Variants in KIAA1549 observed in about 807,000 individuals in gnomAD.
The protein encoded by KIAA1549 is UPF0606 protein KIAA1549.
A neutral mutation model predicts 156.4 loss-of-function variants in KIAA1549; 70 were observed. That is an observed-to-expected ratio of 0.45 (90% CI 0.37 to 0.55). The LOEUF (loss-of-function observed/expected upper bound fraction) is 0.55, where lower values mean the gene tolerates loss of function less well. Among genes scored for constraint, KIAA1549 ranks in the 20% least tolerant of loss-of-function variants. The pLI is 0.00. For synonymous variants in KIAA1549, 1,103 were observed against 1,066.4 expected, an observed-to-expected ratio of 1.03 and a Z score of -0.67; for missense variants, 2,428 against 2,540.9, an observed-to-expected ratio of 0.96 and a Z score of 0.96.
In KIAA1549 at chr7:138,910,951, G is replaced by A. The variant is rs532204679; in HGVS notation, c.3145+195C>T. Among the ~76,000 whole-genome samples, 8 of 151,852 alleles carry A rather than the reference G, an allele frequency of 5.3e-5. No individual in the cohort carries two copies. The South Asian group carries it at 1.5e-3, about 28-fold the overall frequency. On this transcript the variant is annotated intron_variant, in intron 4 of 19. Coordinates refer to ENST00000422774, the MANE Select transcript of KIAA1549 (RefSeq NM_001164665.2). ...GGAGGCTGAGGCAGGAGGATTGTTCGAGCTCAGGGGTTCAAGGCTACAGTG... is the reference window on the plus strand; with the variant it reads ...GGAGGCTGAGGCAGGAGGATTGTTCAAGCTCAGGGGTTCAAGGCTACAGTG...
intron 10 of KIAA1549, among the ~76,000 whole-genome samples, chr7:138,881,970 T>C (rs1271244791): frequency 1.3e-5 from 2 of 152,144 alleles, no homozygotes; most frequent in Non-Finnish European, 2.9e-5. Flanking sequence ...TTCTAGATCA[T>C]ATCAGGAAGC....
Position 138,833,577 on chromosome 7 carries a change from CCAAAT to C in KIAA1549, c.*4324_*4328del, listed in dbSNP as rs1479648742. 4.3e-6 allele frequency: 1 copy of C among 232,236 alleles called. No homozygotes were observed. Among genetic ancestry groups the C allele is most frequent in the Non-Finnish European group, 8.5e-6 (1 of 117,510 alleles). The allele number at this position is 232,236 out of a possible 1,614,324, so 14.4% of individuals were successfully genotyped here. A position where few individuals can be genotyped will look rare whatever the true frequency, so the allele number is the denominator to read the frequency against. Reference sequence around the variant, plus strand: ...CCACTGCTTAAAAGTCATCTGCCACCCAAATCAAAACACTATGAAATTAATAAAAT... The same window carrying C: ...CCACTGCTTAAAAGTCATCTGCCACCCAAAACACTATGAAATTAATAAAAT... On this transcript the variant is annotated 3_prime_UTR_variant, in exon 20 of 20. Coordinates refer to ENST00000422774, the MANE Select transcript of KIAA1549 (RefSeq NM_001164665.2).
intron 9 of KIAA1549, 63 bp from the exon 10 acceptor site, chr7:138,894,589 T>A: frequency 6.6e-7 from 1 of 1,515,088 alleles, no homozygotes; most frequent in Non-Finnish European, 9.1e-7. Context: ...AGATTGCACG[T>A]GTCTTCTATG....
chr7:138,870,572 G>T (rs982701193), intron 13 of KIAA1549, among the ~76,000 whole-genome samples: 4 of 152,300 alleles, frequency 2.6e-5, no homozygotes, highest in African/African-American at 9.6e-5. Context: ...CTGCGTTGAA[G>T]CGTGAGGAGG....
chr7:138,861,826 G>A (rs150979303), intron 15 of KIAA1549, among the ~76,000 whole-genome samples: 276 of 152,106 alleles, frequency 1.8e-3, no homozygotes, highest in Non-Finnish European at 2.9e-3. Flanking sequence ...AGCTATAATC[G>A]CATCATTGTA....
At chr7:138,841,802 C>G (rs61605269) in intron 18 of KIAA1549, among the ~76,000 whole-genome samples, 104,134 of 151,686 alleles carry the variant, frequency 0.69, 35,972 homozygotes, top group East Asian at 0.91. Flanking sequence ...CTAGCCTCAA[C>G]TGATCCTCCC....
Position 138,899,034 on chromosome 7 carries a change from A to C in KIAA1549, c.3768T>G (p.Ser1256=). The change falls in exon 9 of 20, where the codon TCT becomes TCG. Residue 1256 remains serine, a synonymous_variant. Transcript: ENST00000422774. ...QDGERLSAVK[S]SDLINKMDLQ... ...GGTCCATTTTGTTAATCAGGTCCGAAGACTTGACTGCACTGAGTCTTTCTC... is the reference window on the plus strand; with the variant it reads ...GGTCCATTTTGTTAATCAGGTCCGACGACTTGACTGCACTGAGTCTTTCTC... The C allele has an allele frequency of 1.2e-6, 2 of 1,613,782 alleles. No individual in the cohort carries two copies. Among genetic ancestry groups the C allele is most frequent in the East Asian group, 4.5e-5 (2 of 44,884 alleles).
chr7:138,962,541 T>A (rs920246425), intron 1 of KIAA1549, among the ~76,000 whole-genome samples: 6 of 152,128 alleles, frequency 3.9e-5, no homozygotes, highest in Middle Eastern at 3.2e-3. Context: ...AGCGGCCCCA[T>A]ATGAAGTCCT....
At chr7:138,923,469 A>G (rs1812621145) in intron 1 of KIAA1549, among the ~76,000 whole-genome samples, 1 of 152,132 alleles carries the variant, frequency 6.6e-6, no homozygotes, top group South Asian at 2.1e-4. Flanking sequence ...GTGTGGTGGC[A>G]TGCACCTGTA....
chr7:138,954,769 G>C (rs1418317119), intron 1 of KIAA1549, among the ~76,000 whole-genome samples: 1 of 152,218 alleles, frequency 6.6e-6, no homozygotes, highest in African/African-American at 2.4e-5. Context: ...AAGGGTGCTT[G>C]TGCAGGAACT....
Position 138,881,382 on chromosome 7 carries a change from A to G in KIAA1549, c.4229+6T>C. 2 of 1,611,396 alleles carry G rather than the reference A, an allele frequency of 1.2e-6. No individual in the cohort carries two copies. The highest frequency in any genetic ancestry group is 2.2e-5 in the South Asian group (2 of 90,720). ...CAAAGAATAATACAGAAAGCCCAAT[A>G]ATAACCTTCCTCTGTGACGAACATT... On this transcript the variant is annotated splice_donor_region_variant and intron_variant, in intron 11 of 19. Coordinates refer to ENST00000422774, the MANE Select transcript of KIAA1549 (RefSeq NM_001164665.2).
chr7:138,889,972 C>T (rs2130425735), intron 10 of KIAA1549, among the ~76,000 whole-genome samples: 1 of 152,280 alleles, frequency 6.6e-6, no homozygotes, highest in Middle Eastern at 3.4e-3. Flanking sequence ...TCTCCAGCTC[C>T]CTCCCACATG....
chr7:138,836,434 C>T lies in KIAA1549; in HGVS notation c.*1472G>A, dbSNP rs1372656673. 4.7e-6 allele frequency: 1 copy of T among 214,222 alleles called. No homozygotes were observed. Among genetic ancestry groups the T allele is most frequent in the African/African-American group, 2.3e-5 (1 of 44,252 alleles). The allele number at this position is 214,222 out of a possible 1,614,324, so 13.3% of individuals were successfully genotyped here. On this transcript the variant is annotated 3_prime_UTR_variant, in exon 20 of 20. Coordinates refer to ENST00000422774, the MANE Select transcript of KIAA1549 (RefSeq NM_001164665.2). ...ACAATCTAGGATGTTGGCACAGCAA[C>T]AAAACAGCCTAATGACACATTTCTC...
chr7:138,861,028 A>T, intron 16 of KIAA1549, 111 bp downstream of exon 16: 1 of 1,048,242 alleles, frequency 9.5e-7, no homozygotes, highest in Non-Finnish European at 1.4e-6. Context: ...CCCGAGTTTT[A>T]ATTCTTATCA....
chr7:138,854,415 C>T (rs1222043850), intron 16 of KIAA1549, among the ~76,000 whole-genome samples: 4 of 152,150 alleles, frequency 2.6e-5, no homozygotes, highest in South Asian at 4.1e-4. Flanking sequence ...CCAACTATCA[C>T]GTGGCCTGAC....
intron 9 of KIAA1549, among the ~76,000 whole-genome samples, chr7:138,895,953 C>G (rs1811672193): frequency 6.6e-6 from 1 of 152,114 alleles, no homozygotes; most frequent in African/African-American, 2.4e-5. Flanking sequence ...CACCACTCCC[C>G]ACCCTGCTGC....
Position 138,916,966 on chromosome 7 carries a change from C to T in KIAA1549, c.2660G>A (p.Ser887Asn). 2 of 1,602,184 alleles carry T rather than the reference C, an allele frequency of 1.2e-6. No homozygotes were observed. The highest frequency in any genetic ancestry group is 2.7e-5 in the African/African-American group (2 of 74,924). ...LNTSTEVSTTSTGAATGGPLD... is the reference protein window; with the variant it reads ...LNTSTEVSTTNTGAATGGPLD... ...GGGACCACCAGTGGCAGCACCGGTG[C>T]TGGTTGTGCTCACTTCCGTGGAGGT... is the stretch of plus-strand genomic sequence containing the variant. The change falls in exon 2 of 20, where the codon AGC becomes AAC. Residue 887 changes from serine (S) to asparagine (N), a missense_variant. This residue lies in a region of KIAA1549 where 762 missense variants were observed against 901.6 expected (regional missense o/e 0.85). Transcript: ENST00000422774.
At chr7:138,966,422 T>C (rs1350833238) in intron 1 of KIAA1549, among the ~76,000 whole-genome samples, 1 of 151,918 alleles carries the variant, frequency 6.6e-6, no homozygotes, top group Non-Finnish European at 1.5e-5. Context: ...AGGAGTTTAT[T>C]AAGGAGTATT....
In KIAA1549 at chr7:138,937,776, G is replaced by A. The variant is rs187941773; in HGVS notation, c.188-18338C>T. ...CACATGGACGGTGAGGAGCCAACTC[G>A]GGGTGGATGGAAATGTGACTCTAGG... On this transcript the variant is annotated intron_variant, in intron 1 of 19. Coordinates refer to ENST00000422774, the MANE Select transcript of KIAA1549 (RefSeq NM_001164665.2). 3.2e-4 allele frequency among the ~76,000 whole-genome samples: 49 copies of A among 152,230 alleles called. 2 individuals carry two copies. In the South Asian group the frequency reaches 9.6e-3, roughly 30 times the overall value.
Sources: allele counts gnomAD v4.1 joint callset (sites outside exome capture counted in the v4.1 genomes callset), GRCh38; gene constraint gnomAD v4.1.1; regional missense constraint gnomAD v4.1.1; transcripts MANE v1.5; gene names NCBI Gene and HGNC (gene_info 2026-07-23, HGNC 2026-07-21).